Variants in CSMD1 observed in about 807,000 individuals in gnomAD.
The protein encoded by CSMD1 is CUB and sushi domain-containing protein 1.
CSMD1 carries 213 observed loss-of-function variants against 417.5 expected under a neutral mutation model. The observed-to-expected ratio is 0.51, with a 90% confidence interval of 0.46 to 0.57. The LOEUF is 0.57. Ranked by LOEUF, CSMD1 falls within the 20% of genes least tolerant of loss-of-function variation. The pLI is 0.00. For missense variants in CSMD1, 6,923 were observed against 4,529.7 expected (o/e 1.53, Z -15.17); for synonymous variants, 2,862 against 1,736.8 (o/e 1.65, Z -16.11).
At chr8:2,995,442 G>C (rs534270713) in intron 54 of CSMD1, among the ~76,000 whole-genome samples, 2 of 152,186 alleles carry the variant, frequency 1.3e-5, no homozygotes, top group African/African-American at 4.8e-5. Flanking sequence ...ACACATGTTG[G>C]GTAGGGATGA....
At chr8:4,183,895 T>C (rs1487922613) in intron 3 of CSMD1, among the ~76,000 whole-genome samples, 2 of 152,138 alleles carry the variant, frequency 1.3e-5, no homozygotes, top group African/African-American at 2.4e-5. Flanking sequence ...TGTGGACAGT[T>C]TGGCCACAGC....
chr8:2,994,979 AC>A (rs1350873534), intron 54 of CSMD1, among the ~76,000 whole-genome samples: 1 of 152,212 alleles, frequency 6.6e-6, no homozygotes, highest in Non-Finnish European at 1.5e-5. Context: ...AAATAGAGGA[AC>A]ACTTCAAGAT....
At chr8:3,371,502 A>T (rs1585067195) in intron 18 of CSMD1, among the ~76,000 whole-genome samples, 2 of 151,200 alleles carry the variant, frequency 1.3e-5, no homozygotes, top group East Asian at 3.9e-4. Context: ...ACATGCCCAC[A>T]TTCTGTGCAT....
chr8:3,502,952 G>A (rs893307262), intron 10 of CSMD1, among the ~76,000 whole-genome samples: 9 of 152,136 alleles, frequency 5.9e-5, no homozygotes, highest in Non-Finnish European at 8.8e-5. Flanking sequence ...GAAAGCATCT[G>A]GTGAGGATGC....
intron 3 of CSMD1, among the ~76,000 whole-genome samples, chr8:4,093,704 T>C (rs1201887871): frequency 6.6e-6 from 1 of 152,148 alleles, no homozygotes; most frequent in Non-Finnish European, 1.5e-5. Context: ...CTCACAACTG[T>C]AATTTCGGCA....
intron 10 of CSMD1, among the ~76,000 whole-genome samples, chr8:3,557,150 T>C (rs1287158054): frequency 6.6e-6 from 1 of 152,220 alleles, no homozygotes; most frequent in South Asian, 2.1e-4. Flanking sequence ...AAATATATTT[T>C]GTGTGTTACA....
At chr8:4,599,161 G>A (rs1031891494) in intron 2 of CSMD1, among the ~76,000 whole-genome samples, 3 of 152,134 alleles carry the variant, frequency 2.0e-5, no homozygotes, top group Non-Finnish European at 4.4e-5. Context: ...TACTGTATCT[G>A]TAGGGAGAAC....
chr8:4,458,892 T>C (rs1799644694), intron 2 of CSMD1, among the ~76,000 whole-genome samples: 1 of 152,032 alleles, frequency 6.6e-6, no homozygotes, highest in Non-Finnish European at 1.5e-5. Context: ...ACAAGCACAA[T>C]GGGTGGAGAA....
At chr8:4,381,841 A>C (rs1012539448) in intron 3 of CSMD1, among the ~76,000 whole-genome samples, 2 of 152,068 alleles carry the variant, frequency 1.3e-5, no homozygotes, top group Non-Finnish European at 2.9e-5. Context: ...TGCTTCACCA[A>C]AGCTCAGCAT....
intron 2 of CSMD1, among the ~76,000 whole-genome samples, chr8:4,634,117 G>C (rs930408714): frequency 1.3e-5 from 2 of 151,720 alleles, no homozygotes; most frequent in Non-Finnish European, 2.9e-5. Flanking sequence ...TCTCATTTCA[G>C]CTCTCAATAT....
At chr8:4,191,047 C>T (rs572099182) in intron 3 of CSMD1, among the ~76,000 whole-genome samples, 1 of 151,956 alleles carries the variant, frequency 6.6e-6, no homozygotes, top group Non-Finnish European at 1.5e-5. Flanking sequence ...CCCCATGACA[C>T]CAGTTTACCT....
intron 3 of CSMD1, among the ~76,000 whole-genome samples, chr8:4,104,957 A>T (rs6986954): frequency 0.077 from 11,757 of 152,020 alleles, 530 homozygotes; most frequent in Middle Eastern, 0.17. Context: ...GCTCACAGCC[A>T]CTGCCAATTC....
intron 1 of CSMD1, among the ~76,000 whole-genome samples, chr8:4,735,226 G>T (rs757596352): frequency 6.6e-6 from 1 of 152,126 alleles, no homozygotes; most frequent in Non-Finnish European, 1.5e-5. Flanking sequence ...CCAAATGCGA[G>T]AGGATACTTG....
chr8:3,492,478 G>A (rs1012016731), intron 11 of CSMD1, among the ~76,000 whole-genome samples: 2 of 152,070 alleles, frequency 1.3e-5, no homozygotes, highest in Middle Eastern at 3.2e-3. Flanking sequence ...GACGCTTCTG[G>A]TTTAGTGGTT....
At chr8:3,160,893 G>A (rs1292290515) in intron 38 of CSMD1, among the ~76,000 whole-genome samples, 2 of 152,146 alleles carry the variant, frequency 1.3e-5, no homozygotes, top group Non-Finnish European at 2.9e-5. Context: ...CTCTTAACTT[G>A]ATTCACTGCT....
chr8:4,917,609 G>A (rs1391720609), intron 1 of CSMD1, among the ~76,000 whole-genome samples: 4 of 152,086 alleles, frequency 2.6e-5, no homozygotes, highest in African/African-American at 9.7e-5. Context: ...ACTCCAGCCT[G>A]GGCGACAGAG....
At chr8:4,225,503 CTTT>C (rs11356680) in intron 3 of CSMD1, among the ~76,000 whole-genome samples, 5 of 141,728 alleles carry the variant, frequency 3.5e-5, no homozygotes, top group Non-Finnish European at 6.1e-5. Context: ...CAACTCATCA[CTTT>C]TTTTTTTTTT....
intron 5 of CSMD1, among the ~76,000 whole-genome samples, chr8:3,878,824 C>T (rs1056372881): frequency 1.3e-5 from 2 of 152,110 alleles, no homozygotes; most frequent in East Asian, 3.9e-4. Flanking sequence ...TCCAGCTTTC[C>T]ATATCTTATC....
chr8:4,794,931 G>T (rs548171010), intron 1 of CSMD1, among the ~76,000 whole-genome samples: 3 of 151,480 alleles, frequency 2.0e-5, no homozygotes, highest in Non-Finnish European at 2.9e-5. Flanking sequence ...AGAACGCTGG[G>T]AAGGGAGTCC....
Sources: allele counts gnomAD v4.1 joint callset (sites outside exome capture counted in the v4.1 genomes callset), GRCh38; gene constraint gnomAD v4.1.1; transcripts MANE v1.5; gene names NCBI Gene and HGNC (gene_info 2026-07-23, HGNC 2026-07-21).